IGF2BP3: variants seen among roughly 807,000 people sequenced by gnomAD.
IGF2BP3 encodes the protein insulin-like growth factor 2 mRNA-binding protein 3.
Under a neutral mutation model 73.8 loss-of-function variants are expected in IGF2BP3, and 9 were observed. The observed-to-expected ratio is 0.12, with a 90% CI of 0.07 to 0.21. The LOEUF (loss-of-function observed/expected upper bound fraction) is 0.21, where lower values mean the gene tolerates loss of function less well. IGF2BP3 is among the 10% of genes least tolerant of loss of function. The pLI, the probability that IGF2BP3 is intolerant of heterozygous loss-of-function variation, is 1.00. For missense variants in IGF2BP3, 542 were observed against 714.0 expected (o/e 0.76, Z 2.75); for synonymous variants, 258 against 256.7 (o/e 1.01, Z -0.05).
chr7:23,375,078 T>G (rs1263836550), intron 3 of IGF2BP3, among the ~76,000 whole-genome samples: 1 of 152,220 alleles, frequency 6.6e-6, no homozygotes, highest in Non-Finnish European at 1.5e-5. Flanking sequence ...GAGTTTTAAA[T>G]TTTCACACTA....
At chr7:23,352,815 G>A (rs1784999994) in intron 5 of IGF2BP3, among the ~76,000 whole-genome samples, 1 of 152,120 alleles carries the variant, frequency 6.6e-6, no homozygotes, top group Non-Finnish European at 1.5e-5. Flanking sequence ...AAAATTTTAT[G>A]TAAATATATA....
chr7:23,460,188 A>T (rs1181936913), intron 2 of IGF2BP3, among the ~76,000 whole-genome samples: 2 of 149,828 alleles, frequency 1.3e-5, no homozygotes, highest in Non-Finnish European at 3.0e-5. Flanking sequence ...CAAAAAAAAA[A>T]AAAAAAAACA....
chr7:23,429,125 CATT>C (rs1787603237), intron 2 of IGF2BP3, among the ~76,000 whole-genome samples: 1 of 152,156 alleles, frequency 6.6e-6, no homozygotes, highest in Admixed American at 6.5e-5. Context: ...TAGAGGCACT[CATT>C]AGATTGGTTA....
At chr7:23,320,542 G>T (rs1351505239) in intron 10 of IGF2BP3, among the ~76,000 whole-genome samples, 1 of 150,180 alleles carries the variant, frequency 6.7e-6, no homozygotes, top group Non-Finnish European at 1.5e-5. Flanking sequence ...ACAATATAGT[G>T]AGAAAAACAC....
At chr7:23,438,831 A>C (rs934644653) in intron 2 of IGF2BP3, among the ~76,000 whole-genome samples, 1 of 146,554 alleles carries the variant, frequency 6.8e-6, no homozygotes, top group East Asian at 1.9e-4. Context: ...CAGTAGCAAT[A>C]ATGTAAAATC....
At chr7:23,313,390 ATCT>A (rs1382469182) in intron 13 of IGF2BP3, 129 bp downstream of exon 13, 1 of 974,338 alleles carries the variant, frequency 1.0e-6, no homozygotes, top group Non-Finnish European at 1.5e-6. Flanking sequence ...ACAAAAGGCA[ATCT>A]TCTCCAAACC....
chr7:23,319,418 A>T (rs1251406725), intron 10 of IGF2BP3, among the ~76,000 whole-genome samples, 164 bp from the exon 11 acceptor site: 1 of 152,208 alleles, frequency 6.6e-6, no homozygotes, highest in Non-Finnish European at 1.5e-5. Flanking sequence ...ATAGGTCAAG[A>T]AGATCTCATA....
intron 3 of IGF2BP3, among the ~76,000 whole-genome samples, chr7:23,395,669 T>C (rs1408587684): frequency 6.6e-6 from 1 of 151,912 alleles, no homozygotes; most frequent in East Asian, 1.9e-4. Context: ...TTCACGCATG[T>C]AATCCCAGCA....
intron 3 of IGF2BP3, among the ~76,000 whole-genome samples, chr7:23,380,318 G>A (rs556504830): frequency 2.6e-5 from 4 of 151,872 alleles, no homozygotes; most frequent in South Asian, 2.1e-4. Flanking sequence ...GCCTGCCACC[G>A]TGCCCAGCTA....
rs757453777 is a variant in IGF2BP3, at chr7:23,470,069, G to A, written c.42C>T (p.Ala14=). Residue 14 remains alanine (A), a synonymous_variant, in exon 1 of 15, where the codon GCC becomes GCT. Transcript: ENST00000258729. The part of the protein sequence containing the change: ...LYIGNLSENA[A]PSDLESIFKD... Reference sequence around the variant, plus strand: ...TGAAGATACTTTCTAGGTCCGAGGGGGCGGCGTTCTCGCTGAGGTTTCCGA... The same window carrying A: ...TGAAGATACTTTCTAGGTCCGAGGGAGCGGCGTTCTCGCTGAGGTTTCCGA... 6.2e-7 allele frequency: 1 copy of A among 1,610,070 alleles called. No individual in the cohort carries two copies. Among genetic ancestry groups the A allele is most frequent in the Non-Finnish European group, 8.5e-7 (1 of 1,178,904 alleles).
In IGF2BP3 at chr7:23,415,414, G is replaced by C. The variant is rs200893561; in HGVS notation, c.285+3362C>G. 6.2e-3 allele frequency: 1,190 copies of C among 192,116 alleles called. 11 individuals are homozygous for C. Among genetic ancestry groups the C allele is most frequent in the Non-Finnish European group, 6.7e-3 (622 of 93,200 alleles). 11.9% of individuals were successfully genotyped at this position (192,116 alleles called of 1,614,324 possible). A position where few individuals can be genotyped will look rare whatever the true frequency, so the allele number is the denominator to read the frequency against. ...ATCAGTCGGCATCACCGCATCCGCA[G>C]GTCCCCCTCCGTCAGCCGGCATCAC... On this transcript the variant is annotated intron_variant, in intron 3 of 14. Coordinates refer to ENST00000258729, the MANE Select transcript of IGF2BP3 (RefSeq NM_006547.3).
chr7:23,346,225 G>A (rs1784825023), intron 7 of IGF2BP3, 163 bp from the exon 8 acceptor site: 1 of 621,418 alleles, frequency 1.6e-6, no homozygotes, highest in Non-Finnish European at 2.7e-6. Flanking sequence ...TTCTAGCAAT[G>A]CATGAATAGA....
chr7:23,354,457 T>C (rs1444349127), intron 5 of IGF2BP3, among the ~76,000 whole-genome samples: 1 of 152,216 alleles, frequency 6.6e-6, no homozygotes. Context: ...AGTAAGTATA[T>C]TTTGACTAGT....
chr7:23,361,809 G>A, intron 3 of IGF2BP3, 68 bp from the exon 4 acceptor site: 3 of 1,377,132 alleles, frequency 2.2e-6, no homozygotes, highest in South Asian at 1.3e-5. Flanking sequence ...GCAGGAATAT[G>A]TCTTAAAATC....
intron 10 of IGF2BP3, among the ~76,000 whole-genome samples, chr7:23,340,823 T>C (rs567829959): frequency 2.0e-5 from 3 of 152,104 alleles, no homozygotes; most frequent in South Asian, 2.1e-4. Context: ...AAAGCAAGTA[T>C]AAAATATTTC....
Position 23,447,796 on chromosome 7 carries a change from C to G in IGF2BP3, c.236+20686G>C, listed in dbSNP as rs368226151. 1.1e-4 allele frequency among the ~76,000 whole-genome samples: 17 copies of G among 151,688 alleles called. No individual in the cohort carries two copies. In the East Asian group the frequency reaches 2.7e-3, roughly 24 times the overall value. The stretch of plus-strand genomic sequence containing the variant: ...GAGTTCGAGACCAGCCTGGGCAAAA[C>G]AGTGAGATCCTGTTTCTACAAATAA... On this transcript the variant is annotated intron_variant, in intron 2 of 14. Coordinates refer to ENST00000258729, the MANE Select transcript of IGF2BP3 (RefSeq NM_006547.3).
intron 10 of IGF2BP3, among the ~76,000 whole-genome samples, chr7:23,327,760 C>T (rs1370420896): frequency 4.6e-5 from 7 of 152,078 alleles, no homozygotes; most frequent in African/African-American, 9.7e-5. Flanking sequence ...CATTTAATGT[C>T]GGACTACCAA....
At chr7:23,360,327 T>A (rs1428673011) in intron 5 of IGF2BP3, among the ~76,000 whole-genome samples, 1 of 152,218 alleles carries the variant, frequency 6.6e-6, no homozygotes, top group Non-Finnish European at 1.5e-5. Flanking sequence ...ATCAAAGTCA[T>A]GCCATATCTG....
chr7:23,383,594 A>G (rs1384780598), intron 3 of IGF2BP3, among the ~76,000 whole-genome samples: 1 of 152,212 alleles, frequency 6.6e-6, no homozygotes, highest in Non-Finnish European at 1.5e-5. Flanking sequence ...ATGTTAAAAC[A>G]TAAAGTTACT....
Sources: gnomAD v4.1 joint callset for allele counts (sites outside exome capture counted in the v4.1 genomes callset) on GRCh38, gnomAD v4.1.1 for gene constraint, MANE v1.5 for transcripts, NCBI Gene and HGNC (gene_info 2026-07-23, HGNC 2026-07-21) for gene names.